Variants in ERC1 observed in about 807,000 individuals in gnomAD.
ERC1 encodes the protein RAB6 interacting protein 2.
ERC1 carries 56 observed loss-of-function variants against 132.0 expected under a neutral mutation model. The ratio of observed to expected loss-of-function variants is 0.42; its 90% CI spans 0.34 to 0.53. ERC1 has a LOEUF of 0.53. ERC1 is among the 20% of genes least tolerant of loss of function. ERC1 has a pLI of 0.03. For synonymous variants in ERC1, 478 were observed against 476.1 expected, an observed-to-expected ratio of 1.00 and a Z score of -0.05; for missense variants, 1,202 against 1,349.9, an observed-to-expected ratio of 0.89 and a Z score of 1.72.
intron 2 of ERC1, among the ~76,000 whole-genome samples, chr12:1,062,365 G>A (rs1938193620): frequency 6.6e-6 from 1 of 152,016 alleles, no homozygotes; most frequent in African/African-American, 2.4e-5. Flanking sequence ...CAAGCCATCT[G>A]CGTGCCTCAG....
chr12:1,215,889 G>A (rs759062261), intron 12 of ERC1, among the ~76,000 whole-genome samples: 2 of 134,428 alleles, frequency 1.5e-5, no homozygotes, highest in Non-Finnish European at 3.2e-5. Flanking sequence ...TACGTAATTA[G>A]TGTGAATCCA....
chr12:1,068,234 T>C (rs1939634610), intron 2 of ERC1, among the ~76,000 whole-genome samples: 1 of 94,098 alleles, frequency 1.1e-5, no homozygotes, highest in Admixed American at 1.0e-4. Flanking sequence ...CCGGCGATGC[T>C]GAGATCTTAA....
At chr12:1,104,534 G>A (rs950461666) in intron 3 of ERC1, among the ~76,000 whole-genome samples, 2 of 152,158 alleles carry the variant, frequency 1.3e-5, no homozygotes, top group Admixed American at 1.3e-4. Context: ...ATAACTAGGT[G>A]TTCAGAGATA....
chr12:1,394,714 C>T (rs902965284), intron 16 of ERC1, among the ~76,000 whole-genome samples: 41 of 152,206 alleles, frequency 2.7e-4, no homozygotes, highest in Non-Finnish European at 5.4e-4. Context: ...GCTTGCTTCC[C>T]TTTCACCTTC....
At chr12:1,346,960 A>AAAAAAAAAAAAG (rs1006260266) in intron 15 of ERC1, among the ~76,000 whole-genome samples, 2,859 of 148,946 alleles carry the variant, frequency 0.019, 63 homozygotes, top group South Asian at 0.058. Context: ...AAAAAAAAAA[A>AAAAAAAAAAAAG]AGAGAGAGAT....
intron 1 of ERC1, among the ~76,000 whole-genome samples, chr12:1,023,137 A>G (rs1966622441): frequency 6.6e-6 from 1 of 152,212 alleles, no homozygotes; most frequent in Non-Finnish European, 1.5e-5. Context: ...GGACTAATAC[A>G]GGACTCTGAG....
intron 13 of ERC1, among the ~76,000 whole-genome samples, chr12:1,258,814 G>A (rs900742975): frequency 6.6e-6 from 1 of 152,166 alleles, no homozygotes; most frequent in Non-Finnish European, 1.5e-5. Flanking sequence ...AAATTCATAG[G>A]ACTTTTGAAT....
intron 15 of ERC1, among the ~76,000 whole-genome samples, chr12:1,363,350 T>A (rs918250616): frequency 6.6e-6 from 1 of 152,006 alleles, no homozygotes; most frequent in Non-Finnish European, 1.5e-5. Context: ...TCAGAAAAGG[T>A]GAAGGAAAAA....
At chr12:1,231,829 TC>T (rs2075063220) in intron 12 of ERC1, among the ~76,000 whole-genome samples, 2 of 152,176 alleles carry the variant, frequency 1.3e-5, no homozygotes, top group Non-Finnish European at 1.5e-5. Context: ...AATCTCTGCC[TC>T]CCGGGTTCTA....
At chr12:1,236,506 G>A (rs2286038) in intron 12 of ERC1, among the ~76,000 whole-genome samples, 3,542 of 152,152 alleles carry the variant, frequency 0.023, 59 homozygotes, top group East Asian at 0.076. Context: ...AAATGATCCC[G>A]TGCCTTTCTT....
intron 15 of ERC1, among the ~76,000 whole-genome samples, chr12:1,305,259 C>T (rs1317055309): frequency 6.6e-6 from 1 of 152,160 alleles, no homozygotes; most frequent in Non-Finnish European, 1.5e-5. Flanking sequence ...GCTTGGGATT[C>T]TGTGTGTCTC....
At chr12:1,279,001 G>A (rs11829614) in intron 14 of ERC1, among the ~76,000 whole-genome samples, 5,961 of 152,210 alleles carry the variant, frequency 0.039, 177 homozygotes, top group East Asian at 0.072. Flanking sequence ...AACTTGGAGT[G>A]TAAATTAGTT....
intron 1 of ERC1, among the ~76,000 whole-genome samples, chr12:998,689 T>C (rs1961471252): frequency 5.3e-5 from 8 of 152,132 alleles, no homozygotes; most frequent in Admixed American, 5.2e-4. Context: ...ATTGCATGAA[T>C]GCTGGGAGGC....
intron 14 of ERC1, among the ~76,000 whole-genome samples, chr12:1,289,428 T>C (rs1332523023): frequency 6.6e-6 from 1 of 152,036 alleles, no homozygotes; most frequent in Non-Finnish European, 1.5e-5. Context: ...TATTCGTCTA[T>C]GTATACAGGA....
At chr12:1,214,665 TACACACACAC>T (rs59137347) in intron 12 of ERC1, among the ~76,000 whole-genome samples, 30,316 of 119,026 alleles carry the variant, frequency 0.25, 5,096 homozygotes, top group African/African-American at 0.48. Flanking sequence ...TGTGTATACA[TACACACACAC>T]ACACACACAC....
intron 18 of ERC1, among the ~76,000 whole-genome samples, chr12:1,478,663 A>T (rs10848477): frequency 6.6e-6 from 1 of 151,864 alleles, no homozygotes; most frequent in Admixed American, 6.6e-5. Context: ...CGTGGTGGCG[A>T]GCGCCTGTAG....
rs187405311 is a variant in ERC1 at position 1,225,413 on chromosome 12, C to G, written c.2352-11356C>G. On this transcript the variant is annotated intron_variant, in intron 12 of 18. Transcript: ENST00000360905. ...TGTAGTGAGCTATGATCACGCCACT[C>G]TACTACAGCCAGGACAACAAAATGA... is the stretch of plus-strand genomic sequence containing the variant. Among the ~76,000 whole-genome samples the G allele has an allele frequency of 2.0e-5, 3 of 146,814 alleles. 1 individual carries two copies. The Admixed American group carries it at 2.0e-4, about 10-fold the overall frequency.
chr12:1,105,632 C>T lies in ERC1; in HGVS notation c.1161+808C>T, dbSNP rs1945176295. ...TCGGCCTCCCAAAGTGCTGGGATTA[C>T]AGGTGTGAGCCACCGCACCTGGCCA... On this transcript the variant is annotated intron_variant, in intron 4 of 18. Transcript: ENST00000360905. 2.6e-5 allele frequency among the ~76,000 whole-genome samples: 4 copies of T among 152,178 alleles called. No individual in the cohort carries two copies. The South Asian group carries it at 8.3e-4, about 32-fold the overall frequency.
chr12:1,093,657 C>T (rs1943539099), intron 3 of ERC1, among the ~76,000 whole-genome samples: 1 of 151,738 alleles, frequency 6.6e-6, no homozygotes, highest in Admixed American at 6.6e-5. Context: ...AGTTTTTTGT[C>T]TGTATTTTAA....
Sources: allele counts gnomAD v4.1 joint callset (sites outside exome capture counted in the v4.1 genomes callset), GRCh38; gene constraint gnomAD v4.1.1; transcripts MANE v1.5; gene names NCBI Gene and HGNC (gene_info 2026-07-23, HGNC 2026-07-21).